The following FES variants were observed in gnomAD, a reference collection of about 807,000 sequenced individuals.
The protein encoded by FES is tyrosine-protein kinase Fes/Fps.
A neutral mutation model predicts 109.6 loss-of-function variants in FES; 83 were observed. That is an observed-to-expected ratio of 0.76 (90% CI 0.63 to 0.91). The LOEUF (loss-of-function observed/expected upper bound fraction) is 0.91. Among genes scored for constraint, FES ranks in the 40% least tolerant of loss-of-function variants. The probability of loss-of-function intolerance (pLI) is 0.00; values close to 1 mark genes in which losing one functional copy is unlikely to be tolerated. For synonymous variants in FES, 458 were observed against 442.1 expected (o/e 1.04, Z -0.45); for missense variants, 943 against 1,070.9 (o/e 0.88, Z 1.67).
chr15:90,891,677 G>T lies in FES; in HGVS notation c.1653+1G>T. 1 of 1,613,630 alleles carries T rather than the reference G, an allele frequency of 6.2e-7. No homozygotes were observed. Among genetic ancestry groups the T allele is most frequent in the Non-Finnish European group, 8.5e-7 (1 of 1,179,874 alleles). ...TGTCCTGCACAGGGCTGTGCCCAAGGTGAGCCTGCACCCAGCCTGGCCCAT... is the reference window on the plus strand; with the variant it reads ...TGTCCTGCACAGGGCTGTGCCCAAGTTGAGCCTGCACCCAGCCTGGCCCAT... On this transcript the variant is annotated splice_donor_variant, in intron 12 of 18. Coordinates refer to ENST00000328850, the MANE Select transcript of FES (RefSeq NM_002005.4). LOFTEE classifies it high-confidence loss of function.
rs746883632 is a variant in FES at position 90,893,788 on chromosome 15, C to A, written c.2180C>A (p.Thr727Asn). The part of the protein sequence containing the change: ...GGLRQVPVKW[T>N]APEALNYGRY... ...CTCAGACAAGTCCCCGTGAAGTGGA[C>A]CGCACCTGAGGCCCTTAACTACGGT... The change falls in exon 17 of 19, where the codon ACC (threonine) becomes AAC (asparagine). Residue 727 changes from threonine (T) to asparagine (N), a missense_variant. Thr to Asn is a moderately conservative substitution (Grantham distance 65). Coordinates refer to ENST00000328850, the MANE Select transcript of FES (RefSeq NM_002005.4). The A allele has an allele frequency of 6.2e-7, 1 of 1,600,352 alleles. No individual in the cohort carries two copies. Among genetic ancestry groups the A allele is most frequent in the South Asian group, 1.1e-5 (1 of 89,640 alleles).
At chr15:90,891,504 C>T (rs936300192) in intron 11 of FES, 50 bp from the exon 12 acceptor site, 2 of 1,610,964 alleles carry the variant, frequency 1.2e-6, no homozygotes, top group Non-Finnish European at 1.7e-6. Flanking sequence ...TCCCAGGGCT[C>T]ACGCCCCCTC....
chr15:90,888,854 T>C (rs2032923056), intron 5 of FES, among the ~76,000 whole-genome samples: 2 of 151,982 alleles, frequency 1.3e-5, no homozygotes, highest in Admixed American at 1.3e-4. Flanking sequence ...CTTGGCTCAC[T>C]GCAACCTCCA....
intron 2 of FES, 71 bp downstream of exon 2, chr15:90,885,329 G>A (rs2151241270): frequency 6.3e-7 from 1 of 1,598,636 alleles, no homozygotes; most frequent in Non-Finnish European, 8.5e-7. Flanking sequence ...GGGGCCCTCT[G>A]GGGCAGTGGC....
rs2151275331 is a variant in FES at position 90,895,640 on chromosome 15, C to A, written c.*82C>A. On this transcript the variant is annotated 3_prime_UTR_variant, in exon 19 of 19. Transcript: ENST00000328850. The stretch of plus-strand genomic sequence containing the variant: ...GCGGCTCCAGCTCATATGCTGACAG[C>A]TCTTCACAGTCCTGGACTCCTGCCA... 2 of 1,305,054 alleles carry A rather than the reference C, an allele frequency of 1.5e-6. No individual in the cohort carries two copies. The highest frequency in any genetic ancestry group is 1.6e-5 in the South Asian group (1 of 63,162). 80.8% of individuals were successfully genotyped at this position (1,305,054 alleles called of 1,614,324 possible).
At chr15:90,893,043 G>A in intron 14 of FES, 57 bp from the exon 15 acceptor site, 10 of 1,563,976 alleles carry the variant, frequency 6.4e-6, no homozygotes, top group Non-Finnish European at 7.8e-6. Context: ...ATCATCCCTG[G>A]GGGGCCCTGG....
intron 5 of FES, among the ~76,000 whole-genome samples, chr15:90,888,744 GTTCATTTATTTA>G (rs2032904073): frequency 7.2e-6 from 1 of 139,428 alleles, no homozygotes; most frequent in African/African-American, 2.7e-5. Flanking sequence ...AAGGATAGCA[GTTCATTTATTTA>G]TTTATTTATT....
In FES at chr15:90,886,686, C is replaced by T. The variant is rs551917985; in HGVS notation, c.388-275C>T. Among the ~76,000 whole-genome samples the T allele has an allele frequency of 8.4e-4, 128 of 152,346 alleles. 3 individuals carry two copies. The South Asian group carries it at 0.014, about 17-fold the overall frequency. ...TGGAGCCCCGTGTGACTGCACAGGC[C>T]GTGCACACCTGCAACTGGCCCTGCC... On this transcript the variant is annotated intron_variant, in intron 3 of 18. Coordinates refer to ENST00000328850, the MANE Select transcript of FES (RefSeq NM_002005.4).
At position 90,890,899 on chromosome 15, in the gene FES, G is replaced by A. The variant is rs1405388021; in HGVS notation, c.1321-83G>A. The A allele has an allele frequency of 3.7e-6, 5 of 1,344,616 alleles. No homozygotes were observed. The African/African-American group carries it at 5.8e-5, about 15-fold the overall frequency. The allele number at this position is 1,344,616 out of a possible 1,614,324, so 83.3% of individuals were successfully genotyped here. A position where few individuals can be genotyped will look rare whatever the true frequency, so the allele number is the denominator to read the frequency against. On this transcript the variant is annotated intron_variant, in intron 10 of 18. Coordinates refer to ENST00000328850, the MANE Select transcript of FES (RefSeq NM_002005.4). ...GTTGTAAGGGCTGAGGGCATATAGG[G>A]GGGAGAGAGAGACCCCCGGCTGCCC... is the stretch of plus-strand genomic sequence containing the variant.
At position 90,893,746 on chromosome 15, in the gene FES, A is replaced by G. The variant is rs767912113; in HGVS notation, c.2138A>G (p.Tyr713Cys). The change falls in exon 17 of 19, where the codon TAT becomes TGT. Residue 713 changes from tyrosine (Y) to cysteine (C), a missense_variant. By Grantham distance (194) the Tyr-to-Cys change is radical. Transcript: ENST00000328850. ...GMSREEADGV[Y>C]AASGGLRQVP... ...TCCCGAGAGGAAGCCGATGGGGTCT[A>G]TGCAGCCTCAGGGGGCCTCAGACAA... 1.2e-5 allele frequency: 19 copies of G among 1,611,070 alleles called. No individual in the cohort carries two copies. Among genetic ancestry groups the G allele is most frequent in the South Asian group, 2.2e-5 (2 of 90,858 alleles).
chr15:90,895,605 C>T lies in FES; in HGVS notation c.*47C>T, dbSNP rs753958709. On this transcript the variant is annotated 3_prime_UTR_variant, in exon 19 of 19. Transcript: ENST00000328850. The stretch of plus-strand genomic sequence containing the variant: ...CTGGTGGCCTCTGCAGGCCTAGGTG[C>T]AGCTCCTCAGCGGCTCCAGCTCATA... 58 of 1,471,778 alleles carry T rather than the reference C, an allele frequency of 3.9e-5. No homozygotes were observed. The highest frequency in any genetic ancestry group is 5.2e-5 in the Non-Finnish European group (58 of 1,105,130). 91.2% of individuals were successfully genotyped at this position (1,471,778 alleles called of 1,614,324 possible). A position where few individuals can be genotyped will look rare whatever the true frequency, so the allele number is the denominator to read the frequency against.
chr15:90,885,222 G>A lies in FES; in HGVS notation c.177G>A (p.Gln59=). 3 of 1,613,460 alleles carry A rather than the reference G, an allele frequency of 1.9e-6. No individual in the cohort carries two copies. The highest frequency in any genetic ancestry group is 1.3e-5 in the African/African-American group (1 of 75,076). The change falls in exon 2 of 19, where the codon CAG becomes CAA. Residue 59 remains glutamine (Q), a synonymous_variant. Coordinates refer to ENST00000328850, the MANE Select transcript of FES (RefSeq NM_002005.4). ...TGTCCCTGCAGGACAGTGGGGGCCA[G>A]AGCCGGGCCATCAGCCCTGACAGCC... ...HHMSLQDSGG[Q]SRAISPDSPI... is the part of the protein sequence containing the mutation.
chr15:90,887,194 C>A lies in FES; in HGVS notation c.492C>A (p.Asp164Glu). 6.2e-7 allele frequency: 1 copy of A among 1,613,038 alleles called. No individual in the cohort carries two copies. ...RKYQEASKDK[D>E]RDKAKDKYVR... is the part of the protein sequence containing the mutation. Reference sequence around the variant, plus strand: ...TTGCCCCCCTTCTGGCAGACAAGGACCGTGACAAGGCTAAGGACAAGTATG... The same window carrying A: ...TTGCCCCCCTTCTGGCAGACAAGGAACGTGACAAGGCTAAGGACAAGTATG... The change falls in exon 5 of 19, where the codon GAC (aspartate) becomes GAA (glutamate). Residue 164 changes from aspartate (D) to glutamate (E), a missense_variant. By Grantham distance (45) the Asp-to-Glu change is conservative. Coordinates refer to ENST00000328850, the MANE Select transcript of FES (RefSeq NM_002005.4).
At position 90,895,694 on chromosome 15, in the gene FES, GCGCC is replaced by G; in HGVS notation, c.*137_*140del. The G allele has an allele frequency of 1.4e-6, 1 of 722,814 alleles. No homozygotes were observed. The highest frequency in any genetic ancestry group is 1.8e-5 in the African/African-American group (1 of 54,386). The allele number at this position is 722,814 out of a possible 1,614,324, so 44.8% of individuals were successfully genotyped here. A position where few individuals can be genotyped will look rare whatever the true frequency, so the allele number is the denominator to read the frequency against. On this transcript the variant is annotated 3_prime_UTR_variant, in exon 19 of 19. Coordinates refer to ENST00000328850, the MANE Select transcript of FES (RefSeq NM_002005.4). ...GCATCCACACTGCCGGCAGGATGCA[GCGCC>G]GTGTCCTCTCTGTGTCCCTGCTGCT...
Position 90,887,335 on chromosome 15 carries a change from A to G in FES, c.633A>G (p.Ser211=). Residue 211 remains serine (S), a synonymous_variant, in exon 5 of 19, where the codon TCA becomes TCG. Transcript: ENST00000328850. ...HQLLLPGLLR[S]LQDLHEEMAC... ...TCCTGCTGCCCGGCCTGCTGCGGTC[A>G]CTGCAGGACCTGCACGAGGAGATGG... 6.2e-7 allele frequency: 1 copy of G among 1,612,930 alleles called. No individual in the cohort carries two copies. Among genetic ancestry groups the G allele is most frequent in the Non-Finnish European group, 8.5e-7 (1 of 1,179,992 alleles).
chr15:90,889,403 C>T lies in FES; in HGVS notation c.766C>T (p.Gln256Ter). The part of the protein sequence containing the change: ...REMAAAAARI[Q>*]PEAEYQGFLR... ...GATGGCTGCAGCTGCTGCCCGCATC[C>T]AGCCTGAGGCTGAGTACCAAGGCTT... Residue 256 changes from glutamine to a stop codon, truncating the protein, a stop_gained, in exon 6 of 19, where the codon CAG becomes TAG. Coordinates refer to ENST00000328850, the MANE Select transcript of FES (RefSeq NM_002005.4). LOFTEE classifies it high-confidence loss of function. The surrounding 1 kb of genome is among the most constrained non-coding windows in gnomAD (Gnocchi z 6.1). 6.2e-7 allele frequency: 1 copy of T among 1,614,132 alleles called. No homozygotes were observed. Among genetic ancestry groups the T allele is most frequent in the Non-Finnish European group, 8.5e-7 (1 of 1,180,042 alleles).
At position 90,889,939 on chromosome 15, in the gene FES, G is replaced by T. The variant is rs1474696039; in HGVS notation, c.1026G>T (p.Glu342Asp). The T allele has an allele frequency of 9.3e-6, 15 of 1,612,786 alleles. No homozygotes were observed. Among genetic ancestry groups the T allele is most frequent in the Non-Finnish European group, 1.3e-5 (15 of 1,179,346 alleles). ...TGCAACAGGAGCTCCGGAATGAAGAGGAGAACACCCACCCCCGGGAGCGGT... is the reference window on the plus strand; with the variant it reads ...TGCAACAGGAGCTCCGGAATGAAGATGAGAACACCCACCCCCGGGAGCGGT... ...TQLQQELRNE[E>D]ENTHPRERVQ... The change falls in exon 8 of 19, where the codon GAG (glutamate) becomes GAT (aspartate). Residue 342 changes from glutamate to aspartate, a missense_variant. Coordinates refer to ENST00000328850, the MANE Select transcript of FES (RefSeq NM_002005.4). This position sits in a 1 kb window ranked among gnomAD's most constrained non-coding sequence, Gnocchi z 6.1.
intron 15 of FES, 34 bp downstream of exon 15, chr15:90,893,228 C>T (rs182946089): frequency 3.3e-5 from 54 of 1,613,342 alleles, no homozygotes; most frequent in African/African-American, 3.2e-4. Flanking sequence ...AGGTAGGGCG[C>T]GCAGCCTGGT....
chr15:90,893,481 T>C, intron 16 of FES, 67 bp downstream of exon 16: 1 of 1,506,566 alleles, frequency 6.6e-7, no homozygotes, highest in Non-Finnish European at 8.8e-7. Flanking sequence ...CCTATACCCC[T>C]AGGGCCCCCC....
Sources: allele counts gnomAD v4.1 joint callset (sites outside exome capture counted in the v4.1 genomes callset), GRCh38; gene constraint gnomAD v4.1.1; non-coding constraint Gnocchi (gnomAD v3.1); transcripts MANE v1.5; gene names NCBI Gene and HGNC (gene_info 2026-07-23, HGNC 2026-07-21).